ICE2: variants seen among roughly 807,000 people sequenced by gnomAD.
The protein encoded by ICE2 is little elongation complex subunit 2.
Under a neutral mutation model 105.4 loss-of-function variants are expected in ICE2, and 87 were observed. The ratio of observed to expected loss-of-function variants is 0.83; its 90% confidence interval spans 0.69 to 0.99. ICE2 has a LOEUF of 0.99. Among genes scored for constraint, ICE2 ranks in the 50% least tolerant of loss-of-function variants. The pLI, the probability that ICE2 is intolerant of heterozygous loss-of-function variation, is 0.00. For synonymous variants in ICE2, 399 were observed against 392.0 expected, an observed-to-expected ratio of 1.02 and a Z score of -0.21; for missense variants, 1,323 against 1,146.7, an observed-to-expected ratio of 1.15 and a Z score of -2.22.
At chr15:60,433,026 C>T (rs1227289564) in intron 13 of ICE2, among the ~76,000 whole-genome samples, 2 of 152,008 alleles carry the variant, frequency 1.3e-5, no homozygotes, top group Admixed American at 1.3e-4. Context: ...GTACGTTAAA[C>T]CTGTGATGAC....
chr15:60,446,923 GAA>G (rs2063834717), intron 11 of ICE2, among the ~76,000 whole-genome samples: 1 of 151,388 alleles, frequency 6.6e-6, no homozygotes, highest in South Asian at 2.1e-4. Flanking sequence ...AAGTCCTCAA[GAA>G]AAATTAAAGG....
At chr15:60,436,367 CATTTT>C in intron 12 of ICE2, 140 bp from the exon 13 acceptor site, 1 of 436,674 alleles carries the variant, frequency 2.3e-6, no homozygotes, top group Non-Finnish European at 4.1e-6. Context: ...GAGAAATACA[CATTTT>C]ATTAAGTCTT....
Position 60,423,392 on chromosome 15 carries a change from A to G in ICE2, c.*242T>C, listed in dbSNP as rs1006825852. 4 of 287,002 alleles carry G rather than the reference A, an allele frequency of 1.4e-5. No individual in the cohort carries two copies. The highest frequency in any genetic ancestry group is 2.6e-5 in the Non-Finnish European group (4 of 154,800). 17.8% of individuals were successfully genotyped at this position (287,002 alleles called of 1,614,324 possible). A position where few individuals can be genotyped will look rare whatever the true frequency, so the allele number is the denominator to read the frequency against. ...ATGTAAAAATATTTTTCTTCTTTAT[A>G]TATTTCCCTGCCATGATAATGTTAA... On this transcript the variant is annotated 3_prime_UTR_variant, in exon 16 of 16. Coordinates refer to ENST00000261520, the MANE Select transcript of ICE2 (RefSeq NM_024611.6).
chr15:60,469,090 C>G lies in ICE2; in HGVS notation c.147-768G>C, dbSNP rs78346881. Among the ~76,000 whole-genome samples, 26 of 152,232 alleles carry G rather than the reference C, an allele frequency of 1.7e-4. 1 individual carries two copies. The East Asian group carries it at 5.0e-3, about 29-fold the overall frequency. The stretch of plus-strand genomic sequence containing the variant: ...TGGAGTCACCAATGTTTAAAAATCC[C>G]TTAATATCATGGAATACTATGCAGC... On this transcript the variant is annotated intron_variant, in intron 3 of 15. Transcript: ENST00000261520.
intron 13 of ICE2, among the ~76,000 whole-genome samples, chr15:60,434,818 A>G (rs1239046226): frequency 6.6e-6 from 1 of 152,238 alleles, no homozygotes; most frequent in Non-Finnish European, 1.5e-5. Context: ...TATAACTTCT[A>G]GTATTCAATA....
chr15:60,477,895 C>T, intron 2 of ICE2, 42 bp downstream of exon 2: 1 of 1,552,904 alleles, frequency 6.4e-7, no homozygotes, highest in Middle Eastern at 1.7e-4. Flanking sequence ...ATCAGCCCCA[C>T]TACACTCCTC....
chr15:60,445,810 G>A, intron 11 of ICE2: 1 of 983,728 alleles, frequency 1.0e-6, no homozygotes. Flanking sequence ...GAAATACAAA[G>A]TGGTATGGGT....
At chr15:60,430,853 C>T (rs1302652257) in intron 14 of ICE2, among the ~76,000 whole-genome samples, 1 of 152,180 alleles carries the variant, frequency 6.6e-6, no homozygotes, top group East Asian at 1.9e-4. Context: ...TGCCATGGAT[C>T]TAAATGACTG....
rs1254147216 is a variant in ICE2, at chr15:60,422,577, CT to C, written c.*1056del. On this transcript the variant is annotated 3_prime_UTR_variant, in exon 16 of 16. Coordinates refer to ENST00000261520, the MANE Select transcript of ICE2 (RefSeq NM_024611.6). ...GCTGGCCAGGCACGGTGGCTTACCCCTGTAATCCCAGCACTTTGGGAGGCCA... is the reference window on the plus strand; with the variant it reads ...GCTGGCCAGGCACGGTGGCTTACCCCGTAATCCCAGCACTTTGGGAGGCCA... 2 of 152,312 alleles carry C rather than the reference CT, an allele frequency of 1.3e-5. No homozygotes were observed. Among genetic ancestry groups the C allele is most frequent in the Non-Finnish European group, 1.5e-5 (1 of 68,216 alleles). 9.4% of individuals were successfully genotyped at this position (152,312 alleles called of 1,614,324 possible).
intron 3 of ICE2, among the ~76,000 whole-genome samples, chr15:60,469,738 T>G (rs1385869286): frequency 6.6e-6 from 1 of 152,214 alleles, no homozygotes; most frequent in Non-Finnish European, 1.5e-5. Context: ...ATACTCCCAT[T>G]GCAATGCTTT....
At position 60,456,594 on chromosome 15, in the gene ICE2, C is replaced by T. The variant is rs1190077587; in HGVS notation, c.666+63G>A. ...ATATATATATATATATACACACACA[C>T]ACACACACACACACACTATTTCAGA... On this transcript the variant is annotated intron_variant, in intron 6 of 15. Coordinates refer to ENST00000261520, the MANE Select transcript of ICE2 (RefSeq NM_024611.6). 33 of 510,852 alleles carry T rather than the reference C, an allele frequency of 6.5e-5. No homozygotes were observed. The highest frequency in any genetic ancestry group is 6.1e-4 in the African/African-American group (28 of 46,030). 31.6% of individuals were successfully genotyped at this position (510,852 alleles called of 1,614,324 possible).
At chr15:60,431,906 C>A in intron 14 of ICE2, 28 bp downstream of exon 14, 6 of 1,223,548 alleles carry the variant, frequency 4.9e-6, no homozygotes, top group Non-Finnish European at 7.1e-6. Flanking sequence ...TCAGATGTAT[C>A]AAAGCAAAAT....
intron 13 of ICE2, among the ~76,000 whole-genome samples, chr15:60,432,772 G>A (rs979302391): frequency 8.6e-5 from 13 of 151,704 alleles, no homozygotes; most frequent in African/African-American, 1.2e-4. Flanking sequence ...GGCATCTGTA[G>A]TCCCAGCTAC....
At chr15:60,472,768 A>C (rs1012157610) in intron 3 of ICE2, among the ~76,000 whole-genome samples, 5 of 152,134 alleles carry the variant, frequency 3.3e-5, no homozygotes, top group African/African-American at 1.2e-4. Flanking sequence ...TAGGAGGATC[A>C]CCTGAGCCCA....
chr15:60,464,375 C>A (rs913218201), intron 5 of ICE2, among the ~76,000 whole-genome samples: 11 of 151,786 alleles, frequency 7.2e-5, no homozygotes, highest in Admixed American at 5.9e-4. Context: ...CACTGTTTTA[C>A]AAAAACAGTG....
At chr15:60,465,504 A>G (rs1007891082) in intron 5 of ICE2, among the ~76,000 whole-genome samples, 3 of 152,158 alleles carry the variant, frequency 2.0e-5, no homozygotes, top group Admixed American at 6.5e-5. Flanking sequence ...AAAAACAGTG[A>G]AAGTGTAACA....
chr15:60,421,921 A>G lies in ICE2; in HGVS notation c.*1713T>C, dbSNP rs780275783. 1.8e-4 allele frequency: 27 copies of G among 152,336 alleles called. No individual in the cohort carries two copies. Among genetic ancestry groups the G allele is most frequent in the African/African-American group, 4.6e-4 (19 of 41,580 alleles). 9.4% of individuals were successfully genotyped at this position (152,336 alleles called of 1,614,324 possible). ...ATGAAACAAAACTTGGTAGTTGAATATAAGTATTTTCAACTGTTACAATAC... is the reference window on the plus strand; with the variant it reads ...ATGAAACAAAACTTGGTAGTTGAATGTAAGTATTTTCAACTGTTACAATAC... On this transcript the variant is annotated 3_prime_UTR_variant, in exon 16 of 16. Transcript: ENST00000261520.
intron 14 of ICE2, 143 bp downstream of exon 14, chr15:60,431,791 A>G: frequency 2.0e-6 from 1 of 498,226 alleles, no homozygotes; most frequent in Non-Finnish European, 3.6e-6. Flanking sequence ...TTTTTACAAT[A>G]TAAATGTTTA....
At chr15:60,437,871 A>G (rs1401774473) in intron 12 of ICE2, 1 of 151,180 alleles carries the variant, frequency 6.6e-6, no homozygotes, top group African/African-American at 2.4e-5. Flanking sequence ...CATGTTGGCC[A>G]GGCTGGTCTC....
Sources: allele counts gnomAD v4.1 joint callset (sites outside exome capture counted in the v4.1 genomes callset), GRCh38; gene constraint gnomAD v4.1.1; transcripts MANE v1.5; gene names NCBI Gene and HGNC (gene_info 2026-07-23, HGNC 2026-07-21).